KTN1: variants seen among roughly 807,000 people sequenced by gnomAD.
The protein encoded by KTN1 is kinectin 1, also known as kinectin.
Under a neutral mutation model 222.5 loss-of-function variants are expected in KTN1, and 130 were observed. The observed-to-expected ratio is 0.58, with a 90% confidence interval of 0.51 to 0.68. The LOEUF (loss-of-function observed/expected upper bound fraction) is 0.68. Among genes scored for constraint, KTN1 ranks in the 30% least tolerant of loss-of-function variants. The pLI is 0.00. For missense variants in KTN1, 1,508 were observed against 1,500.4 expected (o/e 1.01, Z -0.08); for synonymous variants, 512 against 496.3 (o/e 1.03, Z -0.42).
chr14:55,612,701 T>C, intron 2 of KTN1, 130 bp downstream of exon 2: 1 of 782,656 alleles, frequency 1.3e-6, no homozygotes. Context: ...TTTCATTATG[T>C]GTTTGCTTCA....
chr14:55,682,524 G>C (rs1399122883), intron 43 of KTN1: 1 of 152,118 alleles, frequency 6.6e-6, no homozygotes, highest in Non-Finnish European at 1.5e-5. Flanking sequence ...ATAGAATCCT[G>C]TTGAGGGAGG....
At chr14:55,591,591 T>G (rs1172279034) in intron 1 of KTN1, among the ~76,000 whole-genome samples, 1 of 123,232 alleles carries the variant, frequency 8.1e-6, no homozygotes, top group Non-Finnish European at 1.9e-5. Flanking sequence ...CTTTTTTTTT[T>G]TTTTTTTTTT....
intron 1 of KTN1, among the ~76,000 whole-genome samples, chr14:55,590,425 G>A (rs868213558): frequency 2.6e-5 from 4 of 152,102 alleles, no homozygotes; most frequent in African/African-American, 7.2e-5. Flanking sequence ...TTAAGAGTAC[G>A]TGTAAGATAT....
intron 1 of KTN1, among the ~76,000 whole-genome samples, chr14:55,607,829 C>T (rs1594806901): frequency 3.3e-5 from 5 of 152,258 alleles, no homozygotes; most frequent in East Asian, 3.9e-4. Context: ...TGCTGCAATG[C>T]GCTATCATAG....
At chr14:55,631,224 C>T (rs2040469251) in intron 7 of KTN1, among the ~76,000 whole-genome samples, 1 of 151,004 alleles carries the variant, frequency 6.6e-6, no homozygotes, top group Non-Finnish European at 1.5e-5. Context: ...ATTTAACTTT[C>T]TTGACCAGTG....
At chr14:55,629,873 A>G (rs974541530) in intron 6 of KTN1, 84 bp from the exon 7 acceptor site, 1 of 914,224 alleles carries the variant, frequency 1.1e-6, no homozygotes, top group Middle Eastern at 3.4e-4. Context: ...TACTGATGTT[A>G]AATAACATCA....
intron 5 of KTN1, among the ~76,000 whole-genome samples, chr14:55,622,923 A>G (rs923030581): frequency 6.6e-6 from 1 of 151,708 alleles, no homozygotes; most frequent in Non-Finnish European, 1.5e-5. Context: ...ATTTTTTCTT[A>G]TTCCCTCACC....
intron 32 of KTN1, among the ~76,000 whole-genome samples, chr14:55,662,327 C>G (rs570405796): frequency 1.2e-4 from 18 of 152,092 alleles, no homozygotes; most frequent in Non-Finnish European, 2.4e-4. Flanking sequence ...GCCTCGGCCT[C>G]GCAAAGTGCT....
chr14:55,582,006 A>G (rs2031780437), intron 1 of KTN1, among the ~76,000 whole-genome samples: 1 of 151,812 alleles, frequency 6.6e-6, no homozygotes, highest in Admixed American at 6.6e-5. Flanking sequence ...TGTCTCTTCT[A>G]ATTTTGTAGC....
chr14:55,611,692 T>G (rs2037602275), intron 1 of KTN1, among the ~76,000 whole-genome samples: 2 of 152,210 alleles, frequency 1.3e-5, no homozygotes, highest in Admixed American at 1.3e-4. Flanking sequence ...AGTTAACTAC[T>G]AATAAAGTAC....
chr14:55,677,335 G>T (rs1319197317), intron 41 of KTN1, among the ~76,000 whole-genome samples: 2 of 151,896 alleles, frequency 1.3e-5, no homozygotes, highest in East Asian at 1.9e-4. Flanking sequence ...AAATTAGCCG[G>T]GTGTGGTGGT....
intron 5 of KTN1, among the ~76,000 whole-genome samples, chr14:55,622,705 T>G (rs2039320519): frequency 6.6e-6 from 1 of 152,218 alleles, no homozygotes; most frequent in African/African-American, 2.4e-5. Context: ...TTACCTACAG[T>G]AGTCTCCAGA....
chr14:55,650,309 C>T lies in KTN1; in HGVS notation c.2406-19C>T, dbSNP rs188124730. On this transcript the variant is annotated intron_variant, in intron 22 of 43. Transcript: ENST00000395314. The stretch of plus-strand genomic sequence containing the variant: ...CTTGGTGATTTCTAATCAAATTATA[C>T]TGCATTTCTTTATTGAAGGATCCAT... 1.1e-4 allele frequency: 164 copies of T among 1,523,204 alleles called. No homozygotes were observed. Among genetic ancestry groups the T allele is most frequent in the Non-Finnish European group, 1.4e-4 (154 of 1,117,574 alleles). The allele number at this position is 1,523,204 out of a possible 1,614,324, so 94.4% of individuals were successfully genotyped here.
chr14:55,679,203 A>G, intron 42 of KTN1: 1 of 190,884 alleles, frequency 5.2e-6, no homozygotes. Context: ...TTACTTACTA[A>G]GAGCTCAGTA....
intron 32 of KTN1, chr14:55,663,657 A>G (rs1453607674): frequency 3.8e-6 from 1 of 263,090 alleles, no homozygotes; most frequent in East Asian, 8.8e-5. Context: ...TCATGTATGT[A>G]TTCTTGGTTT....
At chr14:55,595,839 C>T (rs959113414) in intron 1 of KTN1, among the ~76,000 whole-genome samples, 5 of 152,040 alleles carry the variant, frequency 3.3e-5, no homozygotes, top group African/African-American at 9.7e-5. Flanking sequence ...AAAAAGGTAT[C>T]GGAGTGATTT....
intron 32 of KTN1, chr14:55,662,953 C>G (rs756550887): frequency 1.1e-5 from 5 of 455,768 alleles, no homozygotes; most frequent in African/African-American, 1.0e-4. Context: ...ACATTGAACC[C>G]GTGTGAAAAG....
chr14:55,593,098 A>G (rs995686427), intron 1 of KTN1, among the ~76,000 whole-genome samples: 2 of 152,026 alleles, frequency 1.3e-5, no homozygotes, highest in African/African-American at 4.8e-5. Flanking sequence ...ATATGCCAGT[A>G]TCTATAATTT....
In KTN1 at chr14:55,639,222, T is replaced by G; in HGVS notation, c.1823T>G (p.Val608Gly). The G allele has an allele frequency of 6.2e-7, 1 of 1,600,774 alleles. No homozygotes were observed. The highest frequency in any genetic ancestry group is 8.6e-7 in the Non-Finnish European group (1 of 1,168,578). Reference protein sequence around the residue: ...ASVLAEELHKVIAEKDKQIKQ... With the variant: ...ASVLAEELHKGIAEKDKQIKQ... ...GTTCTAGCAGAAGAATTACATAAAG[T>G]GTAAGCCTACCTTTTCACACTCTTA... Residue 608 changes from valine (V) to glycine (G), a missense_variant and splice_region_variant, in exon 13 of 44, where the codon GTG (valine) becomes GGG (glycine). Coordinates refer to ENST00000395314, the MANE Select transcript of KTN1 (RefSeq NM_001079521.2).
Sources: gnomAD v4.1 joint callset for allele counts (sites outside exome capture counted in the v4.1 genomes callset) on GRCh38, gnomAD v4.1.1 for gene constraint, MANE v1.5 for transcripts, NCBI Gene and HGNC (gene_info 2026-07-23, HGNC 2026-07-21) for gene names.